TRMT11: variants seen among roughly 807,000 people sequenced by gnomAD.
TRMT11 encodes tRNA methyltransferase 11, also known as tRNA (guanine(10)-N(2))-methyltransferase TRMT11.
A neutral mutation model predicts 62.8 loss-of-function variants in TRMT11; 53 were observed. The observed-to-expected ratio is 0.84, with a 90% CI of 0.68 to 1.06. The LOEUF is 1.06. TRMT11 is among the 50% of genes least tolerant of loss of function. TRMT11 has a pLI of 0.00. For synonymous variants in TRMT11, 188 were observed against 190.3 expected (o/e 0.99, Z 0.10); for missense variants, 556 against 553.4 (o/e 1.00, Z -0.05).
At chr6:126,015,480 G>A (rs950727517) in intron 11 of TRMT11, among the ~76,000 whole-genome samples, 1 of 151,992 alleles carries the variant, frequency 6.6e-6, no homozygotes, top group African/African-American at 2.4e-5. Flanking sequence ...CACTTGCCTC[G>A]GTGCTGGGAT....
intron 11 of TRMT11, among the ~76,000 whole-genome samples, chr6:126,013,381 T>G (rs1794546882): frequency 6.6e-6 from 1 of 152,036 alleles, no homozygotes; most frequent in South Asian, 2.1e-4. Context: ...CTCAACCTCC[T>G]GAGTAGCTGG....
chr6:126,144,300 A>G (rs1025069971), intron 21 of TRMT11, among the ~76,000 whole-genome samples: 5 of 152,174 alleles, frequency 3.3e-5, no homozygotes, highest in Admixed American at 1.3e-4. Context: ...CAGGGCTAAC[A>G]TCCAAATTGG....
At chr6:126,103,941 A>T (rs1219453782) in intron 17 of TRMT11, among the ~76,000 whole-genome samples, 1 of 152,198 alleles carries the variant, frequency 6.6e-6, no homozygotes, top group East Asian at 1.9e-4. Flanking sequence ...AACAACAAGA[A>T]TCTGGGGTCA....
chr6:125,996,091 C>T (rs758831812), intron 3 of TRMT11, 51 bp downstream of exon 3: 1 of 1,258,900 alleles, frequency 7.9e-7, no homozygotes, highest in Non-Finnish European at 1.2e-6. Context: ...CTTCTCATAA[C>T]CACTCAATCC....
chr6:126,204,944 G>A (rs1778775221), downstream of TRMT11, among the ~76,000 whole-genome samples: 1 of 152,162 alleles, frequency 6.6e-6, no homozygotes. Flanking sequence ...TTACACCTAG[G>A]ACCTTTTCCC....
At chr6:126,116,055 C>G (rs1409688812) in intron 21 of TRMT11, among the ~76,000 whole-genome samples, 1 of 149,748 alleles carries the variant, frequency 6.7e-6, no homozygotes, top group Non-Finnish European at 1.5e-5. Context: ...GCTTGTCCAG[C>G]AAGTTTCCTA....
At chr6:126,067,864 T>C (rs1268652188) in intron 17 of TRMT11, among the ~76,000 whole-genome samples, 1 of 152,202 alleles carries the variant, frequency 6.6e-6, no homozygotes, top group Non-Finnish European at 1.5e-5. Flanking sequence ...TAAATTTTAT[T>C]CATTTGAGTA....
intron 21 of TRMT11, among the ~76,000 whole-genome samples, chr6:126,159,354 CT>C (rs1778162406): frequency 6.6e-6 from 1 of 152,066 alleles, no homozygotes; most frequent in South Asian, 2.1e-4. Flanking sequence ...CTCAGTTCAG[CT>C]GTTATTGTGC....
chr6:126,191,214 T>C (rs1055457271), intron 1 of TRMT11, among the ~76,000 whole-genome samples: 8 of 152,194 alleles, frequency 5.3e-5, no homozygotes, highest in African/African-American at 1.4e-4. Context: ...CTTTTTCATA[T>C]ACTTGTTGGC....
the TRMT11 span, among the ~76,000 whole-genome samples, chr6:126,213,927 GT>G: frequency 6.6e-6 from 1 of 151,744 alleles, no homozygotes; most frequent in Non-Finnish European, 1.5e-5. Flanking sequence ...TTCCTTCTCA[GT>G]TTTTTGAGGC....
intron 17 of TRMT11, among the ~76,000 whole-genome samples, chr6:126,080,519 G>A (rs1777138855): frequency 6.6e-6 from 1 of 152,032 alleles, no homozygotes; most frequent in Non-Finnish European, 1.5e-5. Flanking sequence ...GGGGAGTCCA[G>A]GTCTCCTTGA....
intron 17 of TRMT11, among the ~76,000 whole-genome samples, chr6:126,093,631 A>ATATTTTTTTTTTTTTTTTTTTTT (rs1554236842): frequency 3.1e-5 from 3 of 98,006 alleles, no homozygotes; most frequent in African/African-American, 1.3e-4. Flanking sequence ...ATATATATAT[A>ATATTTTTTTTTTTTTTTTTTTTT]TTTTCCCCCA....
In TRMT11 at chr6:126,091,205, A is replaced by AGT. The variant is rs1777272684; in HGVS notation, c.*1438-21661_*1438-21660insGT. Among the ~76,000 whole-genome samples the AGT allele has an allele frequency of 6.6e-4, 8 of 12,142 alleles. No homozygotes were observed. In the African/African-American group the frequency reaches 0.018, roughly 28 times the overall value. 8.0% of individuals were successfully genotyped at this position (12,142 alleles called of 152,430 possible). A position where few individuals can be genotyped will look rare whatever the true frequency, so the allele number is the denominator to read the frequency against. On this transcript the variant is annotated intron_variant and NMD_transcript_variant, in intron 17 of 22. Transcript: ENST00000648977. Reference sequence around the variant, plus strand: ...GGTGACAGAGCGAGACTCCATCTCAAAAAAAAAAAAAAAAATTTAGCTTAG... The same window carrying AGT: ...GGTGACAGAGCGAGACTCCATCTCAAGTAAAAAAAAAAAAAAATTTAGCTTAG...
chr6:126,174,567 A>G (rs1328831010), upstream of TRMT11, among the ~76,000 whole-genome samples: 6 of 152,216 alleles, frequency 3.9e-5, no homozygotes, highest in Non-Finnish European at 8.8e-5. Flanking sequence ...TTACACAAAA[A>G]ACAAACAGAG....
intron 2 of TRMT11, among the ~76,000 whole-genome samples, chr6:125,995,713 T>TA (rs1191202809): frequency 6.6e-6 from 1 of 152,226 alleles, no homozygotes; most frequent in African/African-American, 2.4e-5. Flanking sequence ...TAAAGCTACA[T>TA]AAAAGGGCAG....
In TRMT11 at chr6:125,996,119, G is replaced by A. The variant is rs1425067594; in HGVS notation, c.212+79G>A. ...CTCAATCCTGTTTTTTGCTATATTG[G>A]GCAGTGTGAAGGCTCAGTTTAGCTT... On this transcript the variant is annotated intron_variant, in intron 3 of 12. Coordinates refer to ENST00000334379, the MANE Select transcript of TRMT11 (RefSeq NM_001031712.3). 5 of 1,027,862 alleles carry A rather than the reference G, an allele frequency of 4.9e-6. No homozygotes were observed. In the South Asian group the frequency reaches 5.6e-5, roughly 11 times the overall value. The allele number at this position is 1,027,862 out of a possible 1,614,324, so 63.7% of individuals were successfully genotyped here.
intron 1 of TRMT11, among the ~76,000 whole-genome samples, chr6:125,990,490 G>A (rs1274211216): frequency 6.6e-6 from 1 of 152,122 alleles, no homozygotes; most frequent in Non-Finnish European, 1.5e-5. Flanking sequence ...CAGAAGGGCT[G>A]TTCACTCTTG....
chr6:126,249,933 A>C, the TRMT11 span, among the ~76,000 whole-genome samples: 2 of 152,174 alleles, frequency 1.3e-5, no homozygotes, highest in Middle Eastern at 6.3e-3. Flanking sequence ...AGGAAATGTT[A>C]AATTACATAC....
intron 1 of TRMT11, among the ~76,000 whole-genome samples, chr6:125,988,054 C>A (rs914150247): frequency 6.6e-6 from 1 of 152,042 alleles, no homozygotes; most frequent in Non-Finnish European, 1.5e-5. Context: ...AAGGGAAAGT[C>A]GGAGGAGGCC....
Sources: allele counts gnomAD v4.1 joint callset (sites outside exome capture counted in the v4.1 genomes callset), GRCh38; gene constraint gnomAD v4.1.1; transcripts MANE v1.5; gene names NCBI Gene and HGNC (gene_info 2026-07-23, HGNC 2026-07-21).